Variants in RSRC1 observed in about 807,000 individuals in gnomAD.
RSRC1 encodes the protein serine/Arginine-related protein 53.
RSRC1 carries 39 observed loss-of-function variants against 49.1 expected under a neutral mutation model. That is an observed-to-expected ratio of 0.79 (90% CI 0.61 to 1.04). The LOEUF (loss-of-function observed/expected upper bound fraction) is 1.04, where lower values mean the gene tolerates loss of function less well. RSRC1 is among the 50% of genes least tolerant of loss of function. The pLI is 0.00. For synonymous variants in RSRC1, 143 were observed against 130.8 expected, an observed-to-expected ratio of 1.09 and a Z score of -0.63; for missense variants, 388 against 402.4, an observed-to-expected ratio of 0.96 and a Z score of 0.31.
At position 158,452,013 on chromosome 3, in the gene RSRC1, A is replaced by G. The variant is rs537116106; in HGVS notation, c.584-8922A>G. Among the ~76,000 whole-genome samples the G allele has an allele frequency of 2.0e-5, 3 of 152,220 alleles. No homozygotes were observed. In the South Asian group the frequency reaches 6.2e-4, roughly 32 times the overall value. On this transcript the variant is annotated intron_variant, in intron 6 of 9. Transcript: ENST00000611884. ...CTTGATGATTGTTACAAAGCAAGAG[A>G]CTTTTTGGATTTTCTGTGATTTTGA...
At chr3:158,265,486 C>T (rs964952492) in intron 4 of RSRC1, among the ~76,000 whole-genome samples, 1 of 152,012 alleles carries the variant, frequency 6.6e-6, no homozygotes, top group Admixed American at 6.6e-5. Flanking sequence ...CAAAAATTAG[C>T]CGGGCGTGGT....
intron 3 of RSRC1, 143 bp from the exon 4 acceptor site, chr3:158,202,929 T>A (rs1721141821): frequency 3.7e-6 from 2 of 541,092 alleles, no homozygotes; most frequent in East Asian, 6.3e-5. Context: ...AGAATCATAT[T>A]CAGGTGCTTG....
chr3:158,445,486 A>G (rs1332017594), intron 6 of RSRC1, among the ~76,000 whole-genome samples: 1 of 152,030 alleles, frequency 6.6e-6, no homozygotes, highest in Non-Finnish European at 1.5e-5. Flanking sequence ...GGGGAACCTC[A>G]CACACCGGGG....
intron 7 of RSRC1, among the ~76,000 whole-genome samples, chr3:158,482,012 A>G (rs1376325680): frequency 1.3e-5 from 2 of 152,064 alleles, no homozygotes; most frequent in Non-Finnish European, 2.9e-5. Context: ...TAAAGAGTTC[A>G]TTTTGAAAAT....
chr3:158,207,260 A>G (rs1721392047), intron 4 of RSRC1, among the ~76,000 whole-genome samples: 1 of 152,200 alleles, frequency 6.6e-6, no homozygotes, highest in Admixed American at 6.6e-5. Flanking sequence ...AATTTTCTGT[A>G]CACTGTTTTT....
chr3:158,543,323 T>G lies in RSRC1; in HGVS notation c.760-12T>G, dbSNP rs1713143474. ...GTATTGTGTTGAAATTAATATGTGT[T>G]GTTTCTTTCAGTCAGTGGAACCTAG... On this transcript the variant is annotated splice_polypyrimidine_tract_variant and intron_variant, in intron 8 of 9. Coordinates refer to ENST00000611884, the MANE Select transcript of RSRC1 (RefSeq NM_001271838.2). 1.3e-6 allele frequency: 2 copies of G among 1,526,180 alleles called. No individual in the cohort carries two copies. The highest frequency in any genetic ancestry group is 8.8e-7 in the Non-Finnish European group (1 of 1,142,758). 94.5% of individuals were successfully genotyped at this position (1,526,180 alleles called of 1,614,324 possible). A position where few individuals can be genotyped will look rare whatever the true frequency, so the allele number is the denominator to read the frequency against.
intron 6 of RSRC1, among the ~76,000 whole-genome samples, chr3:158,458,346 G>C (rs114990361): frequency 0.015 from 2,308 of 152,100 alleles, 76 homozygotes; most frequent in African/African-American, 0.053. Flanking sequence ...TGTGTTATAG[G>C]TTGTTACAAA....
At chr3:158,187,104 C>T (rs1005110093) in intron 3 of RSRC1, among the ~76,000 whole-genome samples, 7 of 151,876 alleles carry the variant, frequency 4.6e-5, no homozygotes, top group East Asian at 1.9e-4. Flanking sequence ...ATTGGCTCTG[C>T]GACCTCTGAA....
chr3:158,335,250 G>A (rs935653465), intron 5 of RSRC1, among the ~76,000 whole-genome samples: 5 of 152,166 alleles, frequency 3.3e-5, no homozygotes, highest in Non-Finnish European at 7.4e-5. Flanking sequence ...CAAGGTGGAG[G>A]TAGAGAAAGA....
At chr3:158,316,658 A>G (rs373958075) in intron 5 of RSRC1, among the ~76,000 whole-genome samples, 2,439 of 151,568 alleles carry the variant, frequency 0.016, 86 homozygotes, top group African/African-American at 0.056. Context: ...GTTAGCCAGG[A>G]TGGTCTCGAT....
At chr3:158,268,862 C>G (rs1489663172) in intron 4 of RSRC1, among the ~76,000 whole-genome samples, 1 of 152,094 alleles carries the variant, frequency 6.6e-6, no homozygotes, top group Admixed American at 6.5e-5. Flanking sequence ...TTTATAAATG[C>G]ATAGAATTCT....
chr3:158,462,061 A>C (rs1737645569), intron 7 of RSRC1, among the ~76,000 whole-genome samples: 1 of 151,644 alleles, frequency 6.6e-6, no homozygotes, highest in Non-Finnish European at 1.5e-5. Flanking sequence ...ATTCAAACTA[A>C]ATGTGGATGA....
chr3:158,419,810 TTAAATC>T (rs1472316192), intron 6 of RSRC1, among the ~76,000 whole-genome samples: 50 of 126,858 alleles, frequency 3.9e-4, no homozygotes, highest in African/African-American at 1.6e-3. Context: ...AATAGACACT[TTAAATC>T]TAGCAAAAAA....
chr3:158,532,840 G>C (rs942538805), intron 7 of RSRC1, among the ~76,000 whole-genome samples: 4 of 151,620 alleles, frequency 2.6e-5, no homozygotes, highest in Admixed American at 2.0e-4. Context: ...AATTCTCCCA[G>C]TAACTTTGTT....
intron 3 of RSRC1, among the ~76,000 whole-genome samples, chr3:158,174,661 A>G (rs747803873): frequency 7.9e-5 from 12 of 151,984 alleles, no homozygotes; most frequent in South Asian, 2.1e-4. Context: ...ATTTTGCTCA[A>G]CTTTCTTCAT....
intron 3 of RSRC1, among the ~76,000 whole-genome samples, chr3:158,173,276 C>CA (rs1469482395): frequency 6.6e-6 from 1 of 151,872 alleles, no homozygotes; most frequent in Non-Finnish European, 1.5e-5. Context: ...ACCATTTGCT[C>CA]ATAACTCAAT....
chr3:158,166,926 T>A (rs1383697735), intron 3 of RSRC1, among the ~76,000 whole-genome samples: 1 of 152,206 alleles, frequency 6.6e-6, no homozygotes, highest in African/African-American at 2.4e-5. Context: ...AAACTTAGAT[T>A]GTATCTTAAT....
chr3:158,230,037 A>T (rs770049543), intron 4 of RSRC1, among the ~76,000 whole-genome samples: 1 of 152,070 alleles, frequency 6.6e-6, no homozygotes, highest in Non-Finnish European at 1.5e-5. Flanking sequence ...GCGATCTAGG[A>T]TCATATACTG....
intron 1 of RSRC1, among the ~76,000 whole-genome samples, chr3:158,118,343 C>A (rs1015738416): frequency 4.6e-5 from 7 of 151,764 alleles, no homozygotes; most frequent in African/African-American, 1.7e-4. Flanking sequence ...AAGGGATCCT[C>A]CCACCTCAGC....
Sources: allele counts gnomAD v4.1 joint callset (sites outside exome capture counted in the v4.1 genomes callset), GRCh38; gene constraint gnomAD v4.1.1; transcripts MANE v1.5; gene names NCBI Gene and HGNC (gene_info 2026-07-23, HGNC 2026-07-21).